TMPRSS9: variants seen among roughly 807,000 people sequenced by gnomAD.
The protein encoded by TMPRSS9 is transmembrane serine protease 9.
In TMPRSS9, 113 loss-of-function variants were observed where a neutral mutation model predicts 111.4. That is an observed-to-expected ratio of 1.01 (90% CI 0.87 to 1.19). The LOEUF (loss-of-function observed/expected upper bound fraction) is 1.19, where lower values mean the gene tolerates loss of function less well. Among genes scored for constraint, TMPRSS9 ranks in the 50% most tolerant of loss-of-function variants. The probability of loss-of-function intolerance (pLI) is 0.00; values close to 1 mark genes in which losing one functional copy is unlikely to be tolerated. For missense variants in TMPRSS9, 1,803 were observed against 1,513.1 expected (o/e 1.19, Z -3.18); for synonymous variants, 805 against 659.1 (o/e 1.22, Z -3.39).
chr19:2,406,389 C>T (rs1023293062), intron 7 of TMPRSS9, among the ~76,000 whole-genome samples: 11 of 149,688 alleles, frequency 7.3e-5, no homozygotes, highest in Admixed American at 6.7e-5. Context: ...TGCAGTGGTG[C>T]GATCTCAGCT....
At chr19:2,388,049 C>T (rs1038500600), upstream of TMPRSS9, among the ~76,000 whole-genome samples, 1 of 152,164 alleles carries the variant, frequency 6.6e-6, no homozygotes, top group Non-Finnish European at 1.5e-5. Flanking sequence ...ATGAGTGTGA[C>T]AGAAAAAGAG....
exon 15 of TMPRSS9, chr19:2,424,119 G>A: frequency 7.3e-7 from 1 of 1,376,636 alleles, no homozygotes. Context: ...GCGCTCACCA[G>A]GATTGTGGGC....
chr19:2,361,868 G>A (rs945142503), intron 1 of TMPRSS9, among the ~76,000 whole-genome samples: 2 of 152,036 alleles, frequency 1.3e-5, no homozygotes, highest in African/African-American at 2.4e-5. Flanking sequence ...GGTGGCCACC[G>A]CCTTGCAGAT....
chr19:2,389,553 A>C (rs1970542385), upstream of TMPRSS9, among the ~76,000 whole-genome samples: 1 of 151,696 alleles, frequency 6.6e-6, no homozygotes, highest in Admixed American at 6.6e-5. Context: ...TTTTTAGTAG[A>C]GATGGGGTTT....
upstream of TMPRSS9, among the ~76,000 whole-genome samples, chr19:2,389,101 G>A (rs956460592): frequency 4.1e-5 from 6 of 146,810 alleles, no homozygotes; most frequent in Admixed American, 6.9e-5. Context: ...TTGAGATGGC[G>A]TCTTGCTCTG....
Position 2,415,663 on chromosome 19 carries a change from C to A in TMPRSS9, c.1574-7C>A, listed in dbSNP as rs1205698803. The A allele has an allele frequency of 6.3e-7, 1 of 1,581,380 alleles. No individual in the cohort carries two copies. The highest frequency in any genetic ancestry group is 1.1e-5 in the South Asian group (1 of 87,444). On this transcript the variant is annotated splice_region_variant and splice_polypyrimidine_tract_variant and intron_variant, in intron 10 of 17. Transcript: ENST00000648592. ...TCCCCAGACCTGGTCTTGTGTCCTC[C>A]TTCCAGAATGTGGGGCCAGGCCTGC...
At chr19:2,368,054 G>T (rs1389794823) in intron 1 of TMPRSS9, among the ~76,000 whole-genome samples, 1 of 152,164 alleles carries the variant, frequency 6.6e-6, no homozygotes, top group Non-Finnish European at 1.5e-5. Flanking sequence ...CAGTGTTACA[G>T]CTCTTGAGGA....
chr19:2,417,452 C>T (rs551015461), intron 12 of TMPRSS9, among the ~76,000 whole-genome samples: 22 of 142,460 alleles, frequency 1.5e-4, no homozygotes, highest in East Asian at 8.2e-4. Context: ...GGTGACAGAG[C>T]GAGACTCCCA....
At chr19:2,379,779 C>T (rs566064757) in intron 1 of TMPRSS9, among the ~76,000 whole-genome samples, 2 of 144,176 alleles carry the variant, frequency 1.4e-5, no homozygotes, top group Non-Finnish European at 3.0e-5. Flanking sequence ...TTCTTTCTCT[C>T]TTTCTTTCTT....
At chr19:2,388,027 C>A (rs763735216), upstream of TMPRSS9, among the ~76,000 whole-genome samples, 10 of 152,160 alleles carry the variant, frequency 6.6e-5, no homozygotes, top group Non-Finnish European at 1.5e-4. Context: ...CACTAGCCAA[C>A]AGGAGTTGTT....
intron 9 of TMPRSS9, among the ~76,000 whole-genome samples, chr19:2,413,366 G>A (rs1163806418): frequency 2.0e-5 from 3 of 152,160 alleles, no homozygotes; most frequent in African/African-American, 4.8e-5. Context: ...CAGCCATACT[G>A]CCAGCCTAAG....
upstream of TMPRSS9, among the ~76,000 whole-genome samples, chr19:2,385,192 G>A (rs1333051174): frequency 9.6e-6 from 1 of 104,154 alleles, no homozygotes; most frequent in Non-Finnish European, 1.8e-5. Flanking sequence ...GGCTCGCGGG[G>A]GCGGGGCTCG....
chr19:2,386,137 A>C (rs1970470004), upstream of TMPRSS9, among the ~76,000 whole-genome samples: 1 of 151,986 alleles, frequency 6.6e-6, no homozygotes, highest in Non-Finnish European at 1.5e-5. Flanking sequence ...TTCTGTCGAC[A>C]TGGGGTCTTG....
At chr19:2,375,651 A>G (rs988518258) in intron 1 of TMPRSS9, among the ~76,000 whole-genome samples, 11 of 151,956 alleles carry the variant, frequency 7.2e-5, no homozygotes, top group Non-Finnish European at 1.2e-4. Context: ...TGTGTTCAGT[A>G]TGGACCAATC....
intron 9 of TMPRSS9, among the ~76,000 whole-genome samples, chr19:2,411,400 C>CTCTTT (rs756207648): frequency 0.067 from 6,757 of 100,624 alleles, 414 homozygotes; most frequent in East Asian, 0.22. Context: ...TCTTCTTCTT[C>CTCTTT]TTTTTTTTTT....
intron 1 of TMPRSS9, among the ~76,000 whole-genome samples, chr19:2,374,056 G>C (rs1197195882): frequency 6.6e-6 from 1 of 152,040 alleles, no homozygotes; most frequent in Non-Finnish European, 1.5e-5. Context: ...AGAAGTTTCT[G>C]TACATTGGGC....
intron 1 of TMPRSS9, among the ~76,000 whole-genome samples, chr19:2,395,602 C>T (rs2396237): frequency 0.31 from 47,572 of 151,738 alleles, 8,109 homozygotes; most frequent in East Asian, 0.61. Context: ...ATCTCAGCTA[C>T]TCCGGAGGCT....
rs548130589 is a variant in TMPRSS9 at position 2,372,309 on chromosome 19, C to G, written c.-26+11949C>G. Among the ~76,000 whole-genome samples the G allele has an allele frequency of 1.6e-4, 25 of 151,956 alleles. No individual in the cohort carries two copies. The East Asian group carries it at 4.6e-3, about 28-fold the overall frequency. ...CTACACACTTTTCTTTTTGGTTTGCCTGGGGGCATTCTCACATATCTCTCA... is the reference window on the plus strand; with the variant it reads ...CTACACACTTTTCTTTTTGGTTTGCGTGGGGGCATTCTCACATATCTCTCA... On this transcript the variant is annotated intron_variant, in intron 1 of 17. Transcript: ENST00000649857.
chr19:2,370,961 CAAAAA>C, intron 1 of TMPRSS9, among the ~76,000 whole-genome samples: 1 of 151,988 alleles, frequency 6.6e-6, no homozygotes, highest in East Asian at 1.9e-4. Flanking sequence ...GACCCTATCT[CAAAAA>C]GAAAAAAATG....
Sources: gnomAD v4.1 joint callset for allele counts (sites outside exome capture counted in the v4.1 genomes callset) on GRCh38, gnomAD v4.1.1 for gene constraint, MANE v1.5 for transcripts, NCBI Gene and HGNC (gene_info 2026-07-23, HGNC 2026-07-21) for gene names.